RFX3: variants seen among roughly 807,000 people sequenced by gnomAD.
RFX3 encodes the protein transcription factor RFX3.
In RFX3, 14 loss-of-function variants were observed where a neutral mutation model predicts 98.6. That is an observed-to-expected ratio of 0.14 (90% CI 0.09 to 0.22). The LOEUF is 0.22. Ranked by LOEUF, RFX3 falls within the 10% of genes least tolerant of loss-of-function variation. The probability of loss-of-function intolerance (pLI) is 1.00; values close to 1 mark genes in which losing one functional copy is unlikely to be tolerated. For missense variants in RFX3, 639 were observed against 926.9 expected (o/e 0.69, Z 4.03); for synonymous variants, 383 against 328.4 (o/e 1.17, Z -1.80).
intron 9 of RFX3, among the ~76,000 whole-genome samples, chr9:3,273,498 C>A (rs543975697): frequency 6.6e-6 from 1 of 152,268 alleles, no homozygotes; most frequent in African/African-American, 2.4e-5. Context: ...AATAATCTTA[C>A]TGTATGTTTT....
chr9:3,479,627 T>G (rs2133341823), intron 1 of RFX3, among the ~76,000 whole-genome samples: 1 of 152,276 alleles, frequency 6.6e-6, no homozygotes, highest in African/African-American at 2.4e-5. Flanking sequence ...CCACTCTCAG[T>G]CCTAAACGGC....
chr9:3,385,433 G>C (rs1039226029), intron 2 of RFX3, among the ~76,000 whole-genome samples: 1 of 151,978 alleles, frequency 6.6e-6, no homozygotes, highest in Non-Finnish European at 1.5e-5. Context: ...ACTCTTGGCC[G>C]GGTGCAGTGG....
chr9:3,251,353 T>G (rs1484843037), intron 14 of RFX3, among the ~76,000 whole-genome samples: 1 of 149,854 alleles, frequency 6.7e-6, no homozygotes, highest in South Asian at 2.1e-4. Flanking sequence ...AATTAATTAT[T>G]TTTTTTTTTT....
Position 3,330,283 on chromosome 9 carries a change from G to A in RFX3, c.450C>T (p.His150=). 1 of 1,614,098 alleles carries A rather than the reference G, an allele frequency of 6.2e-7. No homozygotes were observed. Among genetic ancestry groups the A allele is most frequent in the Non-Finnish European group, 8.5e-7 (1 of 1,179,978 alleles). ...CTGTCGCTGGGGAGGCCCGAGTTGT[G>A]TGTGTCACTGAGTGACCAGAATTCT... ...SMENSGHSVT[H]TTRASPATIE... Residue 150 remains histidine (H), a synonymous_variant, in exon 4 of 17, where the codon CAC becomes CAT. Coordinates refer to ENST00000617270, the MANE Select transcript of RFX3 (RefSeq NM_001282116.2).
chr9:3,237,084 T>A (rs1819261411), intron 15 of RFX3, among the ~76,000 whole-genome samples: 1 of 152,252 alleles, frequency 6.6e-6, no homozygotes, highest in Non-Finnish European at 1.5e-5. Flanking sequence ...ACTTCACAAG[T>A]ACTTACAAAA....
intron 3 of RFX3, among the ~76,000 whole-genome samples, chr9:3,337,287 C>A (rs972493466): frequency 1.3e-5 from 2 of 152,090 alleles, no homozygotes; most frequent in Non-Finnish European, 2.9e-5. Flanking sequence ...GTAGTGAGGG[C>A]ATTATATGTC....
intron 4 of RFX3, among the ~76,000 whole-genome samples, chr9:3,313,312 T>C (rs917343441): frequency 6.6e-6 from 1 of 152,140 alleles, no homozygotes; most frequent in African/African-American, 2.4e-5. Flanking sequence ...TCCTGACTGT[T>C]AGAAGGAAAA....
chr9:3,452,901 C>T (rs1048358541), intron 1 of RFX3, among the ~76,000 whole-genome samples: 1 of 152,162 alleles, frequency 6.6e-6, no homozygotes, highest in Non-Finnish European at 1.5e-5. Context: ...GGAGATTAGA[C>T]TAAAATGATT....
At chr9:3,443,782 T>C (rs1422609140) in intron 1 of RFX3, among the ~76,000 whole-genome samples, 4 of 152,294 alleles carry the variant, frequency 2.6e-5, no homozygotes, top group African/African-American at 9.6e-5. Flanking sequence ...AATTGCCACA[T>C]GGTCTTCCAC....
chr9:3,237,413 T>C (rs1038458170), intron 15 of RFX3, among the ~76,000 whole-genome samples: 2 of 152,220 alleles, frequency 1.3e-5, no homozygotes, highest in African/African-American at 2.4e-5. Context: ...TATGTCTTTT[T>C]TTATCTGTTT....
In RFX3 at chr9:3,242,415, T is replaced by C. The variant is rs567195691; in HGVS notation, c.1968+5617A>G. Among the ~76,000 whole-genome samples the C allele has an allele frequency of 2.6e-5, 4 of 152,324 alleles. No homozygotes were observed. The East Asian group carries it at 7.7e-4, about 29-fold the overall frequency. On this transcript the variant is annotated intron_variant, in intron 15 of 16. Transcript: ENST00000617270. ...TACTCTTCCATGATTGTTTTTTTTT[T>C]TCCTGCAAACTATCTCGACTTGTGA...
chr9:3,367,234 T>C (rs565021857), intron 2 of RFX3, among the ~76,000 whole-genome samples: 3 of 152,096 alleles, frequency 2.0e-5, no homozygotes, highest in Non-Finnish European at 4.4e-5. Context: ...TCAGAGTCAA[T>C]ACATAAGGCC....
intron 7 of RFX3, among the ~76,000 whole-genome samples, chr9:3,284,052 G>A (rs1196124011): frequency 6.6e-6 from 1 of 151,634 alleles, no homozygotes; most frequent in East Asian, 1.9e-4. Flanking sequence ...ATGATTCTGT[G>A]TTATGTCTTT....
At chr9:3,420,837 G>C (rs1843379356) in intron 1 of RFX3, 1 of 985,076 alleles carries the variant, frequency 1.0e-6, no homozygotes, top group Non-Finnish European at 1.2e-6. Flanking sequence ...ATGTCAGAAA[G>C]CATTCTGTCC....
intron 2 of RFX3, among the ~76,000 whole-genome samples, chr9:3,347,605 C>A (rs941082511): frequency 1.3e-5 from 2 of 152,080 alleles, no homozygotes; most frequent in Non-Finnish European, 2.9e-5. Context: ...AGCTGGATCA[C>A]CTGAGGTCAG....
intron 2 of RFX3, among the ~76,000 whole-genome samples, chr9:3,353,953 T>A (rs1171695063): frequency 6.6e-6 from 1 of 151,640 alleles, no homozygotes; most frequent in Non-Finnish European, 1.5e-5. Flanking sequence ...ATGACCGTGC[T>A]GAGAAAAAAA....
chr9:3,395,068 C>A (rs1840716684), intron 2 of RFX3, among the ~76,000 whole-genome samples: 1 of 152,204 alleles, frequency 6.6e-6, no homozygotes, highest in Non-Finnish European at 1.5e-5. Context: ...AAGGTGCATG[C>A]ATCCTATTAA....
chr9:3,390,315 T>C (rs1029558489), intron 2 of RFX3, among the ~76,000 whole-genome samples: 3 of 152,084 alleles, frequency 2.0e-5, no homozygotes, highest in South Asian at 2.1e-4. Flanking sequence ...TACCCAAAAA[T>C]GTAGAAGTGA....
chr9:3,483,118 T>C (rs1849937185), intron 1 of RFX3, among the ~76,000 whole-genome samples: 2 of 152,206 alleles, frequency 1.3e-5, no homozygotes, highest in South Asian at 4.1e-4. Context: ...ACTTGGATAG[T>C]GGATGGGCAG....
Sources: allele counts gnomAD v4.1 joint callset (sites outside exome capture counted in the v4.1 genomes callset), GRCh38; gene constraint gnomAD v4.1.1; transcripts MANE v1.5; gene names NCBI Gene and HGNC (gene_info 2026-07-23, HGNC 2026-07-21).